Variants in CRPPA observed in about 807,000 individuals in gnomAD.
The protein encoded by CRPPA is CDP-L-ribitol pyrophosphorylase A.
In CRPPA, 43 loss-of-function variants were observed where a neutral mutation model predicts 52.0. The observed-to-expected ratio is 0.83, with a 90% CI of 0.65 to 1.07. The LOEUF (loss-of-function observed/expected upper bound fraction) is 1.07. Ranked by LOEUF, CRPPA falls within the 50% of genes least tolerant of loss-of-function variation. The pLI, the probability that CRPPA is intolerant of heterozygous loss-of-function variation, is 0.00. For missense variants in CRPPA, 629 were observed against 551.7 expected (o/e 1.14, Z -1.40); for synonymous variants, 250 against 203.5 (o/e 1.23, Z -1.94).
chr7:16,355,517 C>T (rs917136850), intron 3 of CRPPA, among the ~76,000 whole-genome samples: 6 of 152,130 alleles, frequency 3.9e-5, no homozygotes, highest in African/African-American at 7.2e-5. Context: ...AGTCTCTACT[C>T]GATGCTTTCT....
intron 8 of CRPPA, among the ~76,000 whole-genome samples, chr7:16,222,022 A>G (rs1184108037): frequency 6.6e-6 from 1 of 151,320 alleles, no homozygotes; most frequent in Non-Finnish European, 1.5e-5. Context: ...CATTATTCAC[A>G]ATAGCAAAGA....
At chr7:16,344,280 C>T (rs1583535318) in intron 3 of CRPPA, among the ~76,000 whole-genome samples, 1 of 151,548 alleles carries the variant, frequency 6.6e-6, no homozygotes, top group African/African-American at 2.4e-5. Context: ...TTTAAAATAA[C>T]GTGGGCCAGG....
At chr7:16,416,674 A>C (rs912195473) in intron 1 of CRPPA, among the ~76,000 whole-genome samples, 15 of 132,680 alleles carry the variant, frequency 1.1e-4, no homozygotes, top group Non-Finnish European at 2.1e-4. Flanking sequence ...ATTTCTACAA[A>C]CAAATACAAA....
chr7:16,206,976 A>C (rs1294848783), intron 9 of CRPPA, among the ~76,000 whole-genome samples: 1 of 152,152 alleles, frequency 6.6e-6, no homozygotes, highest in African/African-American at 2.4e-5. Flanking sequence ...AAAACTAATA[A>C]ATCTTGCTAT....
chr7:16,271,123 T>C (rs1017663465), intron 6 of CRPPA, among the ~76,000 whole-genome samples: 4 of 152,156 alleles, frequency 2.6e-5, no homozygotes, highest in Non-Finnish European at 5.9e-5. Flanking sequence ...ATAATTAAAT[T>C]ACGTCCTCCA....
At chr7:16,145,221 GA>G (rs1354986352) in intron 9 of CRPPA, among the ~76,000 whole-genome samples, 1 of 152,176 alleles carries the variant, frequency 6.6e-6, no homozygotes, top group Non-Finnish European at 1.5e-5. Context: ...AAACCTGAAG[GA>G]AGCTACACTA....
At position 16,417,049 on chromosome 7, in the gene CRPPA, T is replaced by C. The variant is rs577551029; in HGVS notation, c.257+4017A>G. Among the ~76,000 whole-genome samples, 5 of 152,052 alleles carry C rather than the reference T, an allele frequency of 3.3e-5. No individual in the cohort carries two copies. The South Asian group carries it at 8.3e-4, about 25-fold the overall frequency. On this transcript the variant is annotated intron_variant, in intron 1 of 9. Coordinates refer to ENST00000407010, the MANE Select transcript of CRPPA (RefSeq NM_001101426.4). Reference sequence around the variant, plus strand: ...CATCCAAGTATCCAACAAACAAACGTTCCACATCACTAGTCAGAAATGCAA... The same window carrying C: ...CATCCAAGTATCCAACAAACAAACGCTCCACATCACTAGTCAGAAATGCAA...
chr7:16,318,513 T>C (rs1386940485), intron 3 of CRPPA, among the ~76,000 whole-genome samples: 2 of 152,146 alleles, frequency 1.3e-5, no homozygotes, highest in South Asian at 2.1e-4. Flanking sequence ...GTAACAAATA[T>C]GTACAAAAAA....
intron 8 of CRPPA, among the ~76,000 whole-genome samples, chr7:16,227,494 A>AT (rs1443137273): frequency 6.6e-6 from 1 of 151,616 alleles, no homozygotes; most frequent in African/African-American, 2.4e-5. Flanking sequence ...TAGTGATATT[A>AT]TTTTTTCATA....
In CRPPA at chr7:16,342,794, T is replaced by TAGATAGATAGATAGATAGATAGATAG. The variant is rs1350825073; in HGVS notation, c.684+33297_684+33298insCTATCTATCTATCTATCTATCTATCT. Among the ~76,000 whole-genome samples, 3 of 62,778 alleles carry TAGATAGATAGATAGATAGATAGATAG rather than the reference T, an allele frequency of 4.8e-5. 1 individual carries two copies. Among genetic ancestry groups the TAGATAGATAGATAGATAGATAGATAG allele is most frequent in the African/African-American group, 2.0e-4 (3 of 15,326 alleles). 41.2% of individuals were successfully genotyped at this position (62,778 alleles called of 152,430 possible). ...AAAAAAAAAAAAAAATATATATATA[T>TAGATAGATAGATAGATAGATAGATAG]ATATCTATATAGATATATAGATATA... On this transcript the variant is annotated intron_variant, in intron 3 of 9. Coordinates refer to ENST00000407010, the MANE Select transcript of CRPPA (RefSeq NM_001101426.4).
In CRPPA at chr7:16,216,087, C is replaced by T. The variant is rs377754403; in HGVS notation, c.1230G>A (p.Gly410=). 4 of 1,596,014 alleles carry T rather than the reference C, an allele frequency of 2.5e-6. No individual in the cohort carries two copies. The highest frequency in any genetic ancestry group is 3.4e-6 in the Non-Finnish European group (4 of 1,170,724). The change falls in exon 9 of 10, where the codon GGG becomes GGA. Residue 410 remains glycine (G), a synonymous_variant. Coordinates refer to ENST00000407010, the MANE Select transcript of CRPPA (RefSeq NM_001101426.4). Reference sequence around the variant, plus strand: ...CTACCTGTGGGTAAGATATGAGAAGCCCATATAACAAAATATTTCTTTCTT... The same window carrying T: ...CTACCTGTGGGTAAGATATGAGAAGTCCATATAACAAAATATTTCTTTCTT... The part of the protein sequence containing the change: ...EVKERNILLY[G]LLISYPQDDQ...
At position 16,418,044 on chromosome 7, in the gene CRPPA, A is replaced by T. The variant is rs560300898; in HGVS notation, c.257+3022T>A. The stretch of plus-strand genomic sequence containing the variant: ...TTCCTTATTTGAATTTGTATAAATT[A>T]TCTTTTTTAATGAAGTGACTTAAGA... On this transcript the variant is annotated intron_variant, in intron 1 of 9. Coordinates refer to ENST00000407010, the MANE Select transcript of CRPPA (RefSeq NM_001101426.4). Among the ~76,000 whole-genome samples, 74 of 152,340 alleles carry T rather than the reference A, an allele frequency of 4.9e-4. 2 individuals carry two copies. Among genetic ancestry groups the T allele is most frequent in the Admixed American group, 3.8e-3 (58 of 15,302 alleles).
chr7:16,258,256 G>A (rs1783696795), intron 8 of CRPPA, 134 bp downstream of exon 8: 1 of 517,270 alleles, frequency 1.9e-6, no homozygotes, highest in Non-Finnish European at 3.4e-6. Context: ...AGAGTAAGCA[G>A]AGGAATCCAC....
At chr7:16,385,622 G>T (rs917583431) in intron 2 of CRPPA, among the ~76,000 whole-genome samples, 3 of 152,132 alleles carry the variant, frequency 2.0e-5, no homozygotes, top group African/African-American at 7.2e-5. Flanking sequence ...AGCAACAAAT[G>T]TTCAGCCTGA....
chr7:16,300,096 G>T (rs957305426), intron 5 of CRPPA, among the ~76,000 whole-genome samples: 2 of 152,140 alleles, frequency 1.3e-5, no homozygotes, highest in Non-Finnish European at 2.9e-5. Flanking sequence ...TCAAGATTTT[G>T]ATTTATAGCT....
chr7:16,327,330 C>A (rs1483673335), intron 3 of CRPPA, among the ~76,000 whole-genome samples: 1 of 152,050 alleles, frequency 6.6e-6, no homozygotes, highest in Non-Finnish European at 1.5e-5. Context: ...CGGTGGCTCA[C>A]GCCTGTAATC....
intron 1 of CRPPA, among the ~76,000 whole-genome samples, chr7:16,415,415 C>A (rs568851218): frequency 1.3e-5 from 2 of 152,108 alleles, no homozygotes; most frequent in African/African-American, 4.8e-5. Flanking sequence ...CATAGAGTAC[C>A]GAACTCAAGT....
At position 16,406,058 on chromosome 7, in the gene CRPPA, T is replaced by TA. The variant is rs1562688001; in HGVS notation, c.534+2dup. ...CTATCTAGACTCAAGAAAAAAGACT[T>TA]ACCCCGTGTTCCTTAGCAGCTGTGA... On this transcript the variant is annotated splice_region_variant and intron_variant, in intron 2 of 9. Coordinates refer to ENST00000407010, the MANE Select transcript of CRPPA (RefSeq NM_001101426.4). The TA allele has an allele frequency of 6.2e-7, 1 of 1,611,834 alleles. No homozygotes were observed. The highest frequency in any genetic ancestry group is 8.5e-7 in the Non-Finnish European group (1 of 1,178,456).
chr7:16,135,765 C>G (rs575337191), intron 9 of CRPPA, among the ~76,000 whole-genome samples: 3 of 152,280 alleles, frequency 2.0e-5, no homozygotes, highest in African/African-American at 7.2e-5. Flanking sequence ...ATTCATCTAA[C>G]AAAGCAATTT....
Sources: gnomAD v4.1 joint callset for allele counts (sites outside exome capture counted in the v4.1 genomes callset) on GRCh38, gnomAD v4.1.1 for gene constraint, MANE v1.5 for transcripts, NCBI Gene and HGNC (gene_info 2026-07-23, HGNC 2026-07-21) for gene names.